CAMKK1: variants seen among roughly 807,000 people sequenced by gnomAD.
CAMKK1 encodes the protein calcium/calmodulin-dependent protein kinase kinase 1.
In CAMKK1, 20 loss-of-function variants were observed where a neutral mutation model predicts 63.5. The observed-to-expected ratio is 0.32, with a 90% CI of 0.22 to 0.46. The LOEUF (loss-of-function observed/expected upper bound fraction) is 0.46. Among genes scored for constraint, CAMKK1 ranks in the 20% least tolerant of loss-of-function variants. The pLI is 1.00. For synonymous variants in CAMKK1, 253 were observed against 269.0 expected, an observed-to-expected ratio of 0.94 and a Z score of 0.58; for missense variants, 588 against 658.1, an observed-to-expected ratio of 0.89 and a Z score of 1.17.
intron 9 of CAMKK1, among the ~76,000 whole-genome samples, chr17:3,877,997 C>T (rs1039958227): frequency 4.6e-5 from 7 of 152,150 alleles, no homozygotes; most frequent in South Asian, 2.1e-4. Context: ...CAAAACAAAA[C>T]GCCCCTGCTG....
chr17:3,877,866 A>G (rs1157894888), intron 9 of CAMKK1, among the ~76,000 whole-genome samples: 1 of 152,188 alleles, frequency 6.6e-6, no homozygotes, highest in Non-Finnish European at 1.5e-5. Context: ...CTTGGTAGAT[A>G]ACTAGGCAGC....
chr17:3,885,205 C>T (rs2055590786), intron 2 of CAMKK1, 123 bp downstream of exon 2: 4 of 1,171,944 alleles, frequency 3.4e-6, no homozygotes, highest in South Asian at 3.3e-5. Context: ...TAGTGATCTC[C>T]CCAGCTCTGA....
rs563258669 is a variant in CAMKK1, at chr17:3,890,323, A to G, written c.-44+2616T>C. On this transcript the variant is annotated intron_variant, in intron 1 of 15. Transcript: ENST00000348335. The surrounding 1 kb of genome is among the most constrained non-coding windows in gnomAD (Gnocchi z 6.5). ...ATCCCTGGGGAGCCCCCAAGCACCA[A>G]TACGGGCTGTTGCCTGACTCAGCAC... 1.3e-5 allele frequency among the ~76,000 whole-genome samples: 2 copies of G among 152,238 alleles called. No individual in the cohort carries two copies. Among genetic ancestry groups the G allele is most frequent in the South Asian group, 4.1e-4 (2 of 4,830 alleles).
chr17:3,879,983 C>T lies in CAMKK1; in HGVS notation c.796+363G>A, dbSNP rs2055336155. 3 of 275,042 alleles carry T rather than the reference C, an allele frequency of 1.1e-5. No individual in the cohort carries two copies. The Admixed American group carries it at 1.5e-4, about 13-fold the overall frequency. The allele number at this position is 275,042 out of a possible 1,614,324, so 17.0% of individuals were successfully genotyped here. On this transcript the variant is annotated intron_variant, in intron 9 of 15. Coordinates refer to ENST00000348335, the MANE Select transcript of CAMKK1 (RefSeq NM_032294.3). This position sits in a 1 kb window ranked among gnomAD's most constrained non-coding sequence, Gnocchi z 4.5. ...CCTGCCACCATGCCCCGGCCCCATG[C>T]CAGGACAGACTCTCCCCAGCAGCTG...
Position 3,889,004 on chromosome 17 carries a change from T to A in CAMKK1, c.-43-3274A>T, listed in dbSNP as rs2055784485. ...TCGGTGTGATGTGTGTGTGCGCAGG[T>A]GTGTTTATGCGCCTGTGTGCCTGCA... is the stretch of plus-strand genomic sequence containing the variant. On this transcript the variant is annotated intron_variant, in intron 1 of 15. Coordinates refer to ENST00000348335, the MANE Select transcript of CAMKK1 (RefSeq NM_032294.3). This position sits in a 1 kb window ranked among gnomAD's most constrained non-coding sequence, Gnocchi z 5.2. Among the ~76,000 whole-genome samples the A allele has an allele frequency of 6.6e-6, 1 of 151,986 alleles. No homozygotes were observed. Among genetic ancestry groups the A allele is most frequent in the African/African-American group, 2.4e-5 (1 of 41,378 alleles).
chr17:3,870,102 G>A (rs539618854), intron 12 of CAMKK1, among the ~76,000 whole-genome samples: 1 of 152,276 alleles, frequency 6.6e-6, no homozygotes, highest in South Asian at 2.1e-4. Context: ...CATGGGTGCT[G>A]GACACCCCAA....
chr17:3,876,427 A>G lies in CAMKK1; in HGVS notation c.797-5T>C. On this transcript the variant is annotated splice_polypyrimidine_tract_variant and splice_region_variant and intron_variant, in intron 9 of 15. Coordinates refer to ENST00000348335, the MANE Select transcript of CAMKK1 (RefSeq NM_032294.3). ...GGACGATCTTCTGGCAGTGCACTGC[A>G]GAGAAGGGGAGCTTGAGCTGAGCGC... The G allele has an allele frequency of 1.2e-6, 2 of 1,613,128 alleles. No individual in the cohort carries two copies. The highest frequency in any genetic ancestry group is 4.5e-5 in the East Asian group (2 of 44,886).
chr17:3,864,541 C>T (rs763994418), intron 15 of CAMKK1, among the ~76,000 whole-genome samples: 11 of 152,014 alleles, frequency 7.2e-5, no homozygotes, highest in Non-Finnish European at 1.3e-4. Context: ...CCACCGCACC[C>T]GGCCGTGCTG....
intron 9 of CAMKK1, 108 bp from the exon 10 acceptor site, chr17:3,876,530 T>G: frequency 1.1e-6 from 1 of 947,482 alleles, no homozygotes; most frequent in Non-Finnish European, 1.6e-6. Context: ...TCCCAGCCCA[T>G]GCACACTTTC....
intron 1 of CAMKK1, among the ~76,000 whole-genome samples, chr17:3,888,913 C>CGTGTGTGTGT (rs55841323): frequency 2.7e-5 from 4 of 150,394 alleles, no homozygotes; most frequent in African/African-American, 9.8e-5. Context: ...AGGGTGGTGG[C>CGTGTGTGTGT]GTGTGTGTGT....
chr17:3,885,792 A>C (rs1282442712), intron 1 of CAMKK1, 62 bp from the exon 2 acceptor site: 1 of 1,527,762 alleles, frequency 6.5e-7, no homozygotes, highest in Non-Finnish European at 8.8e-7. Context: ...CAGGTAAGGT[A>C]GCCACAGCGC....
Position 3,883,578 on chromosome 17 carries a change from A to C in CAMKK1, c.463-98T>G. The C allele has an allele frequency of 2.0e-6, 2 of 995,756 alleles. No homozygotes were observed. The highest frequency in any genetic ancestry group is 3.2e-6 in the Non-Finnish European group (2 of 617,884). The allele number at this position is 995,756 out of a possible 1,614,324, so 61.7% of individuals were successfully genotyped here. A position where few individuals can be genotyped will look rare whatever the true frequency, so the allele number is the denominator to read the frequency against. The stretch of plus-strand genomic sequence containing the variant: ...TGAGGTCCGGAGAGGCACACTGGAC[A>C]TCTGCTACTGGCCCTGAGGGTGTGG... On this transcript the variant is annotated intron_variant, in intron 4 of 15. Transcript: ENST00000348335. This position sits in a 1 kb window ranked among gnomAD's most constrained non-coding sequence, Gnocchi z 4.7.
rs1409809466 is a variant in CAMKK1, at chr17:3,872,546, C to T, written c.1124+8G>A. 6.2e-7 allele frequency: 1 copy of T among 1,612,024 alleles called. No individual in the cohort carries two copies. The highest frequency in any genetic ancestry group is 2.2e-5 in the East Asian group (1 of 44,868). ...TAGCCCCCTTGTTCCCCTGGGTGGACAACTCACTCCTCAGGAAACACCACG... is the reference window on the plus strand; with the variant it reads ...TAGCCCCCTTGTTCCCCTGGGTGGATAACTCACTCCTCAGGAAACACCACG... On this transcript the variant is annotated splice_region_variant and intron_variant, in intron 12 of 15. Coordinates refer to ENST00000348335, the MANE Select transcript of CAMKK1 (RefSeq NM_032294.3).
intron 9 of CAMKK1, among the ~76,000 whole-genome samples, chr17:3,878,282 C>T (rs933873530): frequency 2.6e-5 from 4 of 152,192 alleles, no homozygotes; most frequent in East Asian, 1.9e-4. Flanking sequence ...TCAGCGCCCT[C>T]GTGCCTCTGT....
Position 3,890,772 on chromosome 17 carries a change from T to C in CAMKK1, c.-44+2167A>G, listed in dbSNP as rs746435216. 6.4e-6 allele frequency: 5 copies of C among 779,662 alleles called. No individual in the cohort carries two copies. The African/African-American group carries it at 8.5e-5, about 13-fold the overall frequency. 48.3% of individuals were successfully genotyped at this position (779,662 alleles called of 1,614,324 possible). On this transcript the variant is annotated intron_variant, in intron 1 of 15. Transcript: ENST00000348335. The surrounding 1 kb of genome is among the most constrained non-coding windows in gnomAD (Gnocchi z 6.5). ...AGGCCTCAGTACAAGCTGTGCCTTCTGCCAGGAACACACCTCCCTCTCCTC... is the reference window on the plus strand; with the variant it reads ...AGGCCTCAGTACAAGCTGTGCCTTCCGCCAGGAACACACCTCCCTCTCCTC...
At chr17:3,891,113 G>C (rs924870297) in intron 1 of CAMKK1, among the ~76,000 whole-genome samples, 5 of 151,882 alleles carry the variant, frequency 3.3e-5, no homozygotes, top group East Asian at 1.9e-4. Flanking sequence ...CAAGGTTGGG[G>C]GGGGGGTCAC....
chr17:3,868,307 CA>C (rs1361771793), intron 14 of CAMKK1, among the ~76,000 whole-genome samples: 1 of 149,226 alleles, frequency 6.7e-6, no homozygotes, highest in Non-Finnish European at 1.5e-5. Context: ...GAGATGCAGG[CA>C]CCGTCTAACT....
At position 3,885,554 on chromosome 17, in the gene CAMKK1, G is replaced by C. The variant is rs751745026; in HGVS notation, c.134C>G (p.Pro45Arg). 3.1e-6 allele frequency: 5 copies of C among 1,613,952 alleles called. No individual in the cohort carries two copies. Among genetic ancestry groups the C allele is most frequent in the Non-Finnish European group, 4.2e-6 (5 of 1,180,006 alleles). The change falls in exon 2 of 16, where the codon CCA becomes CGA. Residue 45 changes from proline (P) to arginine (R), a missense_variant. By Grantham distance (103) the Pro-to-Arg change is moderately radical. Around this residue, in one of 3 missense-constraint regions of CAMKK1, gnomAD observed 357 missense variants for 407.4 expected, o/e 0.88. Coordinates refer to ENST00000348335, the MANE Select transcript of CAMKK1 (RefSeq NM_032294.3). ...PEPTRNGVDP[P>R]PRARAASVIP... ...CACAGAGGCAGCTCTGGCCCGTGGT[G>C]GGGGGTCCACACCGTTTCTAGTAGG...
intron 10 of CAMKK1, among the ~76,000 whole-genome samples, chr17:3,873,782 G>A (rs1401825494): frequency 6.6e-6 from 1 of 152,130 alleles, no homozygotes; most frequent in Non-Finnish European, 1.5e-5. Context: ...TGCCACAGAC[G>A]CACCCCAGGA....
Sources: gnomAD v4.1 joint callset for allele counts (sites outside exome capture counted in the v4.1 genomes callset) on GRCh38, gnomAD v4.1.1 for gene constraint, gnomAD v4.1.1 regional missense constraint, Gnocchi (gnomAD v3.1) non-coding constraint, MANE v1.5 for transcripts, NCBI Gene and HGNC (gene_info 2026-07-23, HGNC 2026-07-21) for gene names.